MEI1: variants seen among roughly 807,000 people sequenced by gnomAD.
The protein encoded by MEI1 is meiotic double-stranded break formation protein 1, also known as meiosis inhibitor protein 1.
MEI1 carries 103 observed loss-of-function variants against 146.2 expected under a neutral mutation model. The observed-to-expected ratio is 0.70, with a 90% CI of 0.60 to 0.83. The LOEUF (loss-of-function observed/expected upper bound fraction) is 0.83. Among genes scored for constraint, MEI1 ranks in the 40% least tolerant of loss-of-function variants. The probability of loss-of-function intolerance (pLI) is 0.00; values close to 1 mark genes in which losing one functional copy is unlikely to be tolerated. For synonymous variants in MEI1, 652 were observed against 628.2 expected, an observed-to-expected ratio of 1.04 and a Z score of -0.57; for missense variants, 1,529 against 1,533.0, an observed-to-expected ratio of 1.00 and a Z score of 0.04.
At position 41,753,966 on chromosome 22, in the gene MEI1, A is replaced by G. The variant is rs745684649; in HGVS notation, c.1871A>G (p.Gln624Arg). The G allele has an allele frequency of 1.9e-6, 3 of 1,612,868 alleles. No homozygotes were observed. Among genetic ancestry groups the G allele is most frequent in the Non-Finnish European group, 2.5e-6 (3 of 1,178,928 alleles). Residue 624 changes from glutamine (Q) to arginine (R), a missense_variant, in exon 17 of 31, where the codon CAG (glutamine) becomes CGG (arginine). Around this residue, in one of 3 missense-constraint regions of MEI1, gnomAD observed 1,212 missense variants for 1,178.9 expected, o/e 1.03. Coordinates refer to ENST00000401548, the MANE Select transcript of MEI1 (RefSeq NM_152513.4). ...CSGLSHSALN[Q>R]VCSNFLYYMC... is the part of the protein sequence containing the mutation. ...CCTCTAAGTCACTCAGCCCTAAACCAGGTGTGTTCCAATTTCCTCTACTAT... is the reference window on the plus strand; with the variant it reads ...CCTCTAAGTCACTCAGCCCTAAACCGGGTGTGTTCCAATTTCCTCTACTAT...
At position 41,721,881 on chromosome 22, in the gene MEI1, C is replaced by T. The variant is rs572150947; in HGVS notation, c.734-2062C>T. On this transcript the variant is annotated intron_variant, in intron 6 of 30. Coordinates refer to ENST00000401548, the MANE Select transcript of MEI1 (RefSeq NM_152513.4). ...GACTACAGGCGCGTGCTACCATGCC[C>T]GACTAATTTTTGTATTTTTAGTAGA... is the stretch of plus-strand genomic sequence containing the variant. 3.1e-3 allele frequency among the ~76,000 whole-genome samples: 465 copies of T among 150,486 alleles called. 5 individuals are homozygous for T. The highest frequency in any genetic ancestry group is 0.011 in the African/African-American group (447 of 40,948).
At chr22:41,793,123 C>T (rs1305876376) in intron 26 of MEI1, among the ~76,000 whole-genome samples, 2 of 133,050 alleles carry the variant, frequency 1.5e-5, no homozygotes, top group Non-Finnish European at 3.1e-5. Context: ...GTGGCTCATT[C>T]TGCTCCCGGG....
chr22:41,713,335 G>T (rs1488586754), intron 3 of MEI1, among the ~76,000 whole-genome samples: 1 of 152,118 alleles, frequency 6.6e-6, no homozygotes, highest in Non-Finnish European at 1.5e-5. Context: ...AGGCATAGTG[G>T]CATGTACCTG....
chr22:41,762,624 C>A (rs562984614), intron 18 of MEI1, among the ~76,000 whole-genome samples: 1 of 150,206 alleles, frequency 6.7e-6, no homozygotes, highest in African/African-American at 2.5e-5. Flanking sequence ...TGGCCTCAAG[C>A]AGTTCTCCCA....
At chr22:41,765,855 T>C (rs978963034) in intron 19 of MEI1, among the ~76,000 whole-genome samples, 1 of 150,978 alleles carries the variant, frequency 6.6e-6, no homozygotes, top group Non-Finnish European at 1.5e-5. Flanking sequence ...TAGTCATCAA[T>C]AGTCAAATTT....
At position 41,732,525 on chromosome 22, in the gene MEI1, G is replaced by A. The variant is rs767158440; in HGVS notation, c.1253G>A (p.Arg418His). The A allele has an allele frequency of 9.9e-6, 16 of 1,613,814 alleles. No individual in the cohort carries two copies. The highest frequency in any genetic ancestry group is 2.2e-5 in the East Asian group (1 of 44,876). The part of the protein sequence containing the change: ...TSSAMCRDAG[R>H]ALQEAVSSPV... The stretch of plus-strand genomic sequence containing the variant: ...TCAGCCATGTGCAGAGATGCTGGCC[G>A]TGCCCTCCAAGAAGCAGTTAGCAGC... Residue 418 changes from arginine to histidine, a missense_variant, in exon 11 of 31, where the codon CGT becomes CAT. Physicochemically the swap from Arg to His is conservative, Grantham distance 29. Transcript: ENST00000401548.
intron 2 of MEI1, among the ~76,000 whole-genome samples, chr22:41,704,414 CTT>C (rs563536729): frequency 0.063 from 8,699 of 137,558 alleles, 789 homozygotes; most frequent in African/African-American, 0.23. Context: ...AATTCTTACC[CTT>C]TTTTTTTTTT....
intron 5 of MEI1, 101 bp downstream of exon 5, chr22:41,716,247 CT>C (rs2070140414): frequency 4.0e-6 from 3 of 750,116 alleles, no homozygotes; most frequent in Non-Finnish European, 6.6e-6. Flanking sequence ...GAAGTCATTA[CT>C]TTCCTGCTTT....
chr22:41,748,125 A>G lies in MEI1; in HGVS notation c.1699A>G (p.Thr567Ala). The change falls in exon 15 of 31, where the codon ACC (threonine) becomes GCC (alanine). Residue 567 changes from threonine (T) to alanine (A), a missense_variant. Transcript: ENST00000401548. ...PMVMRHLEQT[T>A]HPALMEVFLS... ...TTTGCAGAGACACTTGGAGCAGACC[A>G]CCCACCCAGCTTTGATGGAAGTTTT... 1 of 1,613,584 alleles carries G rather than the reference A, an allele frequency of 6.2e-7. No homozygotes were observed. Among genetic ancestry groups the G allele is most frequent in the Non-Finnish European group, 8.5e-7 (1 of 1,179,630 alleles).
At chr22:41,787,106 C>A (rs960221583) in intron 26 of MEI1, among the ~76,000 whole-genome samples, 1 of 152,164 alleles carries the variant, frequency 6.6e-6, no homozygotes, top group Non-Finnish European at 1.5e-5. Context: ...ATCACTATTC[C>A]CCCAACCAGG....
At chr22:41,728,306 G>A (rs1438337515) in intron 7 of MEI1, among the ~76,000 whole-genome samples, 1 of 152,228 alleles carries the variant, frequency 6.6e-6, no homozygotes, top group East Asian at 1.9e-4. Context: ...CCAGCCAAGA[G>A]CCAGCCTTGC....
intron 2 of MEI1, 86 bp downstream of exon 2, chr22:41,703,540 A>T: frequency 7.9e-7 from 1 of 1,272,924 alleles, no homozygotes; most frequent in East Asian, 2.8e-5. Flanking sequence ...ATGATCTTAG[A>T]TGATTTAGGT....
Position 41,770,699 on chromosome 22 carries a change from C to T in MEI1, c.2282C>T (p.Ala761Val). Residue 761 changes from alanine (A) to valine (V), a missense_variant, in exon 20 of 31, where the codon GCA (alanine) becomes GTA (valine). Ala to Val is a moderately conservative substitution (Grantham distance 64). This residue lies in a region of MEI1 where 1,212 missense variants were observed against 1,178.9 expected (regional missense o/e 1.03). Transcript: ENST00000401548. ...TTTTGCCTCCAGACTATGGTCAGTG[C>T]AATCAGAAAATTCCTAGAAGGCATC... ...DNTLRETMVS[A>V]IRKFLEGIPD... The T allele has an allele frequency of 6.2e-7, 1 of 1,613,762 alleles. No homozygotes were observed. The highest frequency in any genetic ancestry group is 8.5e-7 in the Non-Finnish European group (1 of 1,179,808).
At chr22:41,785,285 C>T (rs923304900) in intron 26 of MEI1, among the ~76,000 whole-genome samples, 9 of 147,136 alleles carry the variant, frequency 6.1e-5, no homozygotes, top group East Asian at 6.1e-4. Context: ...TTTTTTTAGA[C>T]GGAGTCTAGC....
chr22:41,798,308 G>A (rs2076443715), intron 30 of MEI1, among the ~76,000 whole-genome samples: 1 of 152,200 alleles, frequency 6.6e-6, no homozygotes, highest in South Asian at 2.1e-4. Context: ...CGGGTGCAGT[G>A]GCTCACGCCT....
intron 9 of MEI1, 93 bp from the exon 10 acceptor site, chr22:41,732,152 C>T: frequency 5.1e-6 from 5 of 978,192 alleles, no homozygotes; most frequent in Non-Finnish European, 7.7e-6. Context: ...CCAACTCATA[C>T]ATGCTGTCCA....
intron 1 of MEI1, among the ~76,000 whole-genome samples, chr22:41,701,033 G>A (rs967603575): frequency 6.7e-6 from 1 of 149,882 alleles, no homozygotes; most frequent in South Asian, 2.1e-4. Context: ...TCCGCCTCCC[G>A]GGTTCAAGCG....
Position 41,738,785 on chromosome 22 carries a change from AT to A in MEI1, c.1332-4294del, listed in dbSNP as rs928458095. ...GACTCTGTCTCAAAAAAAAAAATAAATAAATAAATAAGTAATAAAATAAATA... is the reference window on the plus strand; with the variant it reads ...GACTCTGTCTCAAAAAAAAAAATAAAAAATAAATAAGTAATAAAATAAATA... On this transcript the variant is annotated intron_variant, in intron 11 of 30. Coordinates refer to ENST00000401548, the MANE Select transcript of MEI1 (RefSeq NM_152513.4). Among the ~76,000 whole-genome samples the A allele has an allele frequency of 3.2e-5, 4 of 126,966 alleles. No homozygotes were observed. The South Asian group carries it at 7.5e-4, about 24-fold the overall frequency. The allele number at this position is 126,966 out of a possible 152,430, so 83.3% of individuals were successfully genotyped here. A position where few individuals can be genotyped will look rare whatever the true frequency, so the allele number is the denominator to read the frequency against.
intron 19 of MEI1, among the ~76,000 whole-genome samples, chr22:41,765,318 A>ATTCCTTCT (rs1191209807): frequency 6.6e-6 from 1 of 151,966 alleles, no homozygotes; most frequent in Non-Finnish European, 1.5e-5. Context: ...GCCCAGCCAG[A>ATTCCTTCT]AAATTTTTAA....
Sources: allele counts gnomAD v4.1 joint callset (sites outside exome capture counted in the v4.1 genomes callset), GRCh38; gene constraint gnomAD v4.1.1; regional missense constraint gnomAD v4.1.1; transcripts MANE v1.5; gene names NCBI Gene and HGNC (gene_info 2026-07-23, HGNC 2026-07-21).